TRIM36: variants seen among roughly 807,000 people sequenced by gnomAD.
TRIM36 encodes tripartite motif containing 36.
A neutral mutation model predicts 72.4 loss-of-function variants in TRIM36; 42 were observed. The ratio of observed to expected loss-of-function variants is 0.58; its 90% confidence interval spans 0.45 to 0.75. The LOEUF is 0.75. Ranked by LOEUF, TRIM36 falls within the 30% of genes least tolerant of loss-of-function variation. The pLI, the probability that TRIM36 is intolerant of heterozygous loss-of-function variation, is 0.00. For missense variants in TRIM36, 913 were observed against 857.1 expected (o/e 1.07, Z -0.81); for synonymous variants, 315 against 282.8 (o/e 1.11, Z -1.14).
intron 1 of TRIM36, 45 bp from the exon 2 acceptor site, chr5:115,163,797 T>C: frequency 7.0e-7 from 1 of 1,427,826 alleles, no homozygotes; most frequent in Non-Finnish European, 9.8e-7. Context: ...AGTGGGTAAA[T>C]ATATTAACAT....
intron 5 of TRIM36, among the ~76,000 whole-genome samples, chr5:115,140,881 C>T (rs889010578): frequency 2.0e-5 from 3 of 151,976 alleles, no homozygotes; most frequent in African/African-American, 7.2e-5. Context: ...TCAGGAATAC[C>T]GGGAATTTAA....
chr5:115,180,089 G>GTCCT (rs1561456045), exon 1 of TRIM36: 1 of 1,559,164 alleles, frequency 6.4e-7, no homozygotes, highest in Non-Finnish European at 8.8e-7. Flanking sequence ...TATCGAATTT[G>GTCCT]TCCTTTCTTT....
intron 8 of TRIM36, among the ~76,000 whole-genome samples, 172 bp from the exon 9 acceptor site, chr5:115,131,061 A>G (rs1396010322): frequency 6.6e-6 from 1 of 152,212 alleles, no homozygotes; most frequent in African/African-American, 2.4e-5. Context: ...AATATATCTT[A>G]TCCAGTATAT....
chr5:115,151,824 A>C (rs748364306), intron 2 of TRIM36, among the ~76,000 whole-genome samples: 6 of 152,202 alleles, frequency 3.9e-5, no homozygotes, highest in Non-Finnish European at 5.9e-5. Context: ...CATCCATAGG[A>C]AATGGGGAAG....
Position 115,125,294 on chromosome 5 carries a change from G to C in TRIM36, c.*1209C>G, listed in dbSNP as rs928286957. On this transcript the variant is annotated 3_prime_UTR_variant, in exon 10 of 10. Coordinates refer to ENST00000513154, the MANE Select transcript of TRIM36 (RefSeq NM_001300759.2). ...TTAAATAAAAACCACCTACTTGAAA[G>C]CAACACCTTTCAAAAACAGACACAC... is the stretch of plus-strand genomic sequence containing the variant. 2 of 152,036 alleles carry C rather than the reference G, an allele frequency of 1.3e-5. No individual in the cohort carries two copies. The highest frequency in any genetic ancestry group is 1.3e-4 in the Admixed American group (2 of 15,264). The allele number at this position is 152,036 out of a possible 1,614,324, so 9.4% of individuals were successfully genotyped here.
upstream of TRIM36, chr5:115,173,993 A>G (rs1755229755): frequency 6.6e-6 from 1 of 152,196 alleles, no homozygotes; most frequent in Admixed American, 6.5e-5. Flanking sequence ...CCAAAAGGTC[A>G]AGATTCCCCT....
intron 1 of TRIM36, among the ~76,000 whole-genome samples, chr5:115,166,573 C>G (rs1293180961): frequency 1.3e-5 from 2 of 152,210 alleles, no homozygotes; most frequent in African/African-American, 4.8e-5. Flanking sequence ...GTCCATGTAG[C>G]TCATTCTTCC....
chr5:115,131,288 T>C (rs1752663352), intron 8 of TRIM36, among the ~76,000 whole-genome samples: 1 of 152,186 alleles, frequency 6.6e-6, no homozygotes, highest in African/African-American at 2.4e-5. Context: ...TTGAAAGTTT[T>C]GTTAATTTGG....
chr5:115,143,232 A>G (rs1753377986), intron 4 of TRIM36, among the ~76,000 whole-genome samples: 1 of 149,532 alleles, frequency 6.7e-6, no homozygotes, highest in Admixed American at 6.7e-5. Flanking sequence ...CAAAAAAAAA[A>G]AAAAAAAAAA....
chr5:115,151,050 G>T (rs1456461158), intron 2 of TRIM36, among the ~76,000 whole-genome samples: 1 of 152,184 alleles, frequency 6.6e-6, no homozygotes. Context: ...TTGGGGGAGG[G>T]TGTAAATCCA....
At chr5:115,154,078 G>A (rs552290342) in intron 2 of TRIM36, among the ~76,000 whole-genome samples, 2 of 145,912 alleles carry the variant, frequency 1.4e-5, no homozygotes, top group South Asian at 2.1e-4. Flanking sequence ...GCTCCTGAAT[G>A]AGCACAGGGT....
rs1296751908 is a variant in TRIM36, at chr5:115,130,484, TAGAA to T, written c.1796+104_1796+107del. The T allele has an allele frequency of 1.1e-4, 142 of 1,294,766 alleles. No individual in the cohort carries two copies. The East Asian group carries it at 3.2e-3, about 30-fold the overall frequency. 80.2% of individuals were successfully genotyped at this position (1,294,766 alleles called of 1,614,324 possible). ...CTCAATCAAGCCACAGCCAAAATAC[TAGAA>T]TCTAAGAAATAAGAAATGTATACTC... On this transcript the variant is annotated intron_variant, in intron 9 of 9. Transcript: ENST00000513154.
At chr5:115,151,956 T>C (rs763608996) in intron 2 of TRIM36, among the ~76,000 whole-genome samples, 6 of 152,056 alleles carry the variant, frequency 3.9e-5, no homozygotes, top group Admixed American at 1.3e-4. Flanking sequence ...TCTGGTAATA[T>C]GACAAAACAA....
chr5:115,140,853 C>T (rs935033042), intron 5 of TRIM36, among the ~76,000 whole-genome samples: 3 of 152,114 alleles, frequency 2.0e-5, no homozygotes, highest in Non-Finnish European at 4.4e-5. Context: ...TTTTGGGGAA[C>T]ATATATAGGG....
At chr5:115,167,404 C>T (rs1754842643) in intron 1 of TRIM36, among the ~76,000 whole-genome samples, 1 of 152,210 alleles carries the variant, frequency 6.6e-6, no homozygotes, top group Admixed American at 6.5e-5. Context: ...GCTTGAATCC[C>T]TCCCCAGAAA....
rs537937695 is a variant in TRIM36 at position 115,127,672 on chromosome 5, G to C, written c.1797-815C>G. On this transcript the variant is annotated intron_variant, in intron 9 of 9. Coordinates refer to ENST00000513154, the MANE Select transcript of TRIM36 (RefSeq NM_001300759.2). ...TTGTGGTGATACTGGTGTAAACAGTGCTTAAAGTTGTTACATAAAAGTGTA... is the reference window on the plus strand; with the variant it reads ...TTGTGGTGATACTGGTGTAAACAGTCCTTAAAGTTGTTACATAAAAGTGTA... Among the ~76,000 whole-genome samples, 11 of 152,298 alleles carry C rather than the reference G, an allele frequency of 7.2e-5. No homozygotes were observed. In the South Asian group the frequency reaches 2.3e-3, roughly 32 times the overall value.
intron 4 of TRIM36, among the ~76,000 whole-genome samples, chr5:115,143,083 C>T (rs1020998434): frequency 6.6e-6 from 1 of 151,998 alleles, no homozygotes; most frequent in South Asian, 2.1e-4. Context: ...GTCTCCCATA[C>T]ATATTCAGCA....
chr5:115,169,956 G>A (rs1755019465), upstream of TRIM36: 1 of 1,216,990 alleles, frequency 8.2e-7, no homozygotes, highest in African/African-American at 1.6e-5. Flanking sequence ...ACCGCGGGGC[G>A]TGGACAGGGC....
At chr5:115,162,071 C>T (rs910849288) in intron 2 of TRIM36, among the ~76,000 whole-genome samples, 1 of 152,158 alleles carries the variant, frequency 6.6e-6, no homozygotes, top group Non-Finnish European at 1.5e-5. Context: ...ACTCATTGAC[C>T]TGGAACCTCT....
Sources: gnomAD v4.1 joint callset for allele counts (sites outside exome capture counted in the v4.1 genomes callset) on GRCh38, gnomAD v4.1.1 for gene constraint, MANE v1.5 for transcripts, NCBI Gene and HGNC (gene_info 2026-07-23, HGNC 2026-07-21) for gene names.